METTL2B: variants seen among roughly 807,000 people sequenced by gnomAD.
METTL2B encodes the protein methyltransferase 2B, tRNA N3-cytidine.
Under a neutral mutation model 51.0 loss-of-function variants are expected in METTL2B, and 28 were observed. That is an observed-to-expected ratio of 0.55 (90% CI 0.41 to 0.75). METTL2B has a LOEUF of 0.75. Among genes scored for constraint, METTL2B ranks in the 30% least tolerant of loss-of-function variants. METTL2B has a pLI of 0.00. For missense variants in METTL2B, 313 were observed against 460.7 expected, an observed-to-expected ratio of 0.68 and a Z score of 2.93; for synonymous variants, 128 against 166.3, an observed-to-expected ratio of 0.77 and a Z score of 1.77.
rs1448606188 is a variant in METTL2B at position 128,479,281 on chromosome 7, A to C, written c.326A>C (p.Gln109Pro). ...CCTGAGCTGGCACCTAGCCAAAATC[A>C]AAATCATTTGAAGGATTGGTTCTTG... ...EFPELAPSQN[Q>P]NHLKDWFLEN... The change falls in exon 3 of 9, where the codon CAA becomes CCA. Residue 109 changes from glutamine (Q) to proline (P), a missense_variant. Gln to Pro is a moderately conservative substitution (Grantham distance 76, BLOSUM62 -1). Transcript: ENST00000262432. 1.9e-6 allele frequency: 3 copies of C among 1,614,252 alleles called. No individual in the cohort carries two copies. The highest frequency in any genetic ancestry group is 2.5e-6 in the Non-Finnish European group (3 of 1,180,036).
In METTL2B at chr7:128,501,999, C is replaced by A; in HGVS notation, c.*83C>A. On this transcript the variant is annotated 3_prime_UTR_variant, in exon 9 of 9. Transcript: ENST00000262432. Reference sequence around the variant, plus strand: ...AAAATTTGTAGCACCGGGCATGGTGCATGCCTGTAATCCCAGCCACTCAGG... The same window carrying A: ...AAAATTTGTAGCACCGGGCATGGTGAATGCCTGTAATCCCAGCCACTCAGG... The A allele has an allele frequency of 1.3e-6, 2 of 1,571,862 alleles. No homozygotes were observed. The highest frequency in any genetic ancestry group is 1.7e-6 in the Non-Finnish European group (2 of 1,155,804).
intron 4 of METTL2B, among the ~76,000 whole-genome samples, chr7:128,485,698 G>T (rs1351640301): frequency 6.6e-6 from 1 of 151,854 alleles, no homozygotes. Context: ...AAGCATGCTG[G>T]CATGCACGTG....
At chr7:128,498,717 A>T (rs1212312023) in intron 7 of METTL2B, among the ~76,000 whole-genome samples, 1 of 152,158 alleles carries the variant, frequency 6.6e-6, no homozygotes, top group African/African-American at 2.4e-5. Flanking sequence ...TTTGAAAGAC[A>T]GCCGGGCGCA....
At chr7:128,484,473 G>C (rs1584790787) in intron 4 of METTL2B, among the ~76,000 whole-genome samples, 1 of 151,772 alleles carries the variant, frequency 6.6e-6, no homozygotes, top group Middle Eastern at 3.4e-3. Flanking sequence ...ATCTGATAAA[G>C]CCTTAGGATC....
intron 5 of METTL2B, among the ~76,000 whole-genome samples, chr7:128,490,325 CTT>C (rs56261578): frequency 1.1e-4 from 15 of 131,820 alleles, no homozygotes; most frequent in African/African-American, 8.4e-5. Context: ...TCAGGCTTCA[CTT>C]TTTTTTTTTT....
At chr7:128,489,667 C>A (rs1457413139) in intron 5 of METTL2B, among the ~76,000 whole-genome samples, 5 of 121,506 alleles carry the variant, frequency 4.1e-5, no homozygotes, top group Non-Finnish European at 8.2e-5. Context: ...CTCGCTCTGT[C>A]GCCCAGGCTG....
At chr7:128,491,486 C>T (rs905782137) in intron 5 of METTL2B, among the ~76,000 whole-genome samples, 3 of 150,710 alleles carry the variant, frequency 2.0e-5, no homozygotes, top group Non-Finnish European at 3.0e-5. Flanking sequence ...CCCAGCTACT[C>T]GGGAGGCTGA....
chr7:128,476,981 C>T (rs1799808830), intron 1 of METTL2B, 101 bp from the exon 2 acceptor site: 6 of 1,593,050 alleles, frequency 3.8e-6, no homozygotes, highest in South Asian at 3.4e-5. Context: ...AGCTGCCCTA[C>T]CCGAGGCACT....
intron 7 of METTL2B, among the ~76,000 whole-genome samples, chr7:128,499,427 A>T (rs990803724): frequency 6.6e-6 from 1 of 151,762 alleles, no homozygotes; most frequent in African/African-American, 2.4e-5. Context: ...ATCTCGGCTC[A>T]CTGCAACCTC....
Position 128,503,237 on chromosome 7 carries a change from G to A in METTL2B, c.*1321G>A, listed in dbSNP as rs1296152240. The A allele has an allele frequency of 6.6e-6, 1 of 152,242 alleles. No homozygotes were observed. The allele number at this position is 152,242 out of a possible 1,614,324, so 9.4% of individuals were successfully genotyped here. ...AGAGGTTGCAGTGAGCCGAGATCAT[G>A]TCACTGCATTCCAGCCTGGGCAACA... is the stretch of plus-strand genomic sequence containing the variant. On this transcript the variant is annotated 3_prime_UTR_variant, in exon 9 of 9. Transcript: ENST00000262432.
chr7:128,479,615 G>T (rs1306958861), intron 3 of METTL2B, 102 bp downstream of exon 3: 5 of 1,296,070 alleles, frequency 3.9e-6, no homozygotes, highest in Non-Finnish European at 5.3e-6. Context: ...TCTATTGGAT[G>T]ATGCTGACTA....
In METTL2B at chr7:128,503,485, G is replaced by C. The variant is rs1277775656; in HGVS notation, c.*1569G>C. 2 of 149,442 alleles carry C rather than the reference G, an allele frequency of 1.3e-5. No individual in the cohort carries two copies. The highest frequency in any genetic ancestry group is 3.0e-5 in the Non-Finnish European group (2 of 67,680). 9.3% of individuals were successfully genotyped at this position (149,442 alleles called of 1,614,324 possible). On this transcript the variant is annotated 3_prime_UTR_variant, in exon 9 of 9. Coordinates refer to ENST00000262432, the MANE Select transcript of METTL2B (RefSeq NM_018396.3). ...GGCTCTCACTTTGTTGCCCAGGCTG[G>C]AGTTCAGTGGTGCAATGATAGCTCA...
At chr7:128,497,520 C>G (rs748309953) in intron 6 of METTL2B, among the ~76,000 whole-genome samples, 15 of 152,266 alleles carry the variant, frequency 9.9e-5, no homozygotes, top group South Asian at 8.3e-4. Flanking sequence ...AGTTACTCTG[C>G]CGCCCAGGCC....
rs1799875741 is a variant in METTL2B at position 128,481,766 on chromosome 7, C to T, written c.608+1070C>T. Among the ~76,000 whole-genome samples the T allele has an allele frequency of 2.0e-5, 3 of 152,288 alleles. No homozygotes were observed. In the South Asian group the frequency reaches 6.2e-4, roughly 32 times the overall value. The stretch of plus-strand genomic sequence containing the variant: ...CAAGCAATCGTCTCACCTCAGCCTC[C>T]CAAGTAGCTGGGACTACAGACACAT... On this transcript the variant is annotated intron_variant, in intron 4 of 8. Coordinates refer to ENST00000262432, the MANE Select transcript of METTL2B (RefSeq NM_018396.3).
chr7:128,490,440 A>G (rs1161604881), intron 5 of METTL2B, among the ~76,000 whole-genome samples: 1 of 151,422 alleles, frequency 6.6e-6, no homozygotes, highest in African/African-American at 2.4e-5. Flanking sequence ...ACCTGATGAG[A>G]TGATTCCATT....
intron 1 of METTL2B, 65 bp from the exon 2 acceptor site, chr7:128,477,017 C>T: frequency 6.2e-7 from 1 of 1,610,800 alleles, no homozygotes; most frequent in Non-Finnish European, 8.5e-7. Context: ...AACTCCTAGG[C>T]CAGCGACTCA....
At chr7:128,485,665 CA>C (rs397756088) in intron 4 of METTL2B, among the ~76,000 whole-genome samples, 17 of 130,598 alleles carry the variant, frequency 1.3e-4, no homozygotes, top group East Asian at 2.3e-4. Flanking sequence ...GACTCCGTCT[CA>C]AAAAAAAAAA....
intron 6 of METTL2B, among the ~76,000 whole-genome samples, chr7:128,496,431 C>T (rs1340848837): frequency 6.6e-6 from 1 of 152,104 alleles, no homozygotes; most frequent in Non-Finnish European, 1.5e-5. Context: ...GTAGTCCCAG[C>T]TACTCAGAAG....
chr7:128,490,982 G>A (rs1238507004), intron 5 of METTL2B, among the ~76,000 whole-genome samples: 1 of 151,856 alleles, frequency 6.6e-6, no homozygotes. Context: ...CCAATATGGT[G>A]AAACCCCGTC....
Sources: allele counts gnomAD v4.1 joint callset (sites outside exome capture counted in the v4.1 genomes callset), GRCh38; gene constraint gnomAD v4.1.1; transcripts MANE v1.5; gene names NCBI Gene and HGNC (gene_info 2026-07-23, HGNC 2026-07-21).